DMD: variants seen among roughly 807,000 people sequenced by gnomAD.
DMD encodes dystrophin, also known as mutant dystrophin.
A neutral mutation model predicts 330.1 loss-of-function variants in DMD; 63 were observed. The ratio of observed to expected loss-of-function variants is 0.19; its 90% CI spans 0.16 to 0.24. DMD has a LOEUF of 0.24. Among genes scored for constraint, DMD ranks in the 10% least tolerant of loss-of-function variants. The probability of loss-of-function intolerance (pLI) is 1.00; values close to 1 mark genes in which losing one functional copy is unlikely to be tolerated. For synonymous variants in DMD, 1,223 were observed against 959.8 expected (o/e 1.27, Z -5.07); for missense variants, 3,344 against 2,684.1 (o/e 1.25, Z -5.43).
chrX:31,509,365 T>C (rs990774605), intron 55 of DMD, among the ~76,000 whole-genome samples: 1 of 112,083 alleles, frequency 8.9e-6, no homozygotes, highest in African/African-American at 3.2e-5. Flanking sequence ...GCCAACCAGA[T>C]CTAAGTTCCA....
intron 7 of DMD, among the ~76,000 whole-genome samples, chrX:32,712,403 A>T (rs1246064903): frequency 8.9e-6 from 1 of 111,733 alleles, no homozygotes; most frequent in Non-Finnish European, 1.9e-5. Context: ...TATATATCTA[A>T]TTCTTAAATG....
rs189219300 is a variant in DMD at position 31,915,491 on chromosome X, C to T, written c.6912+14105G>A. Among the ~76,000 whole-genome samples, 172 of 111,396 alleles carry T rather than the reference C, an allele frequency of 1.5e-3. No individual in the cohort carries two copies. In the Middle Eastern group the frequency reaches 0.028, roughly 18 times the overall value. On this transcript the variant is annotated intron_variant, in intron 47 of 78. Coordinates refer to ENST00000357033, the MANE Select transcript of DMD (RefSeq NM_004006.3). ...GAGAAATCTGAAAAGACAATGAGAA[C>T]GGCTGCATTTGTAATTATATAATCC...
chrX:32,596,293 C>A (rs2055518037), intron 12 of DMD, among the ~76,000 whole-genome samples: 1 of 89,953 alleles, frequency 1.1e-5, no homozygotes, highest in Non-Finnish European at 2.2e-5. Context: ...ATGTGTTCCT[C>A]TTCACTGAAA....
intron 1 of DMD, among the ~76,000 whole-genome samples, chrX:33,156,300 A>G (rs2048506405): frequency 8.9e-6 from 1 of 112,278 alleles, no homozygotes; most frequent in African/African-American, 3.2e-5. Flanking sequence ...TATTAAAAGG[A>G]ATTCTTCACT....
intron 47 of DMD, among the ~76,000 whole-genome samples, chrX:31,922,495 G>GGTGTGTGTGTGTGTGTGTGT (rs765621749): frequency 2.1e-5 from 2 of 97,499 alleles, no homozygotes; most frequent in African/African-American, 8.0e-5. Flanking sequence ...ACTTGAGACT[G>GGTGTGTGTGTGTGTGTGTGT]GTGTGTGTGT....
rs192613211 is a variant in DMD, at chrX:31,965,780, A to T, written c.6614+2559T>A. Reference sequence around the variant, plus strand: ...ATTATTATCATGCTTAAGCCTATAGATGTATCCAGTTCTTCTGTTACATAA... The same window carrying T: ...ATTATTATCATGCTTAAGCCTATAGTTGTATCCAGTTCTTCTGTTACATAA... On this transcript the variant is annotated intron_variant, in intron 45 of 78. Coordinates refer to ENST00000357033, the MANE Select transcript of DMD (RefSeq NM_004006.3). Among the ~76,000 whole-genome samples, 230 of 111,802 alleles carry T rather than the reference A, an allele frequency of 2.1e-3. 2 individuals are homozygous for T. The highest frequency in any genetic ancestry group is 7.0e-3 in the African/African-American group (216 of 30,885).
At chrX:32,823,235 TA>T in intron 5 of DMD, 59 bp downstream of exon 5, 1 of 977,943 alleles carries the variant, frequency 1.0e-6, no homozygotes, top group Non-Finnish European at 1.5e-6. Context: ...ACGTCAAGGG[TA>T]AAAATTAAAA....
intron 41 of DMD, among the ~76,000 whole-genome samples, chrX:32,341,805 CAAATT>C (rs1343447404): frequency 9.0e-6 from 1 of 111,372 alleles, no homozygotes; most frequent in Non-Finnish European, 1.9e-5. Context: ...GATAAATTGA[CAAATT>C]AACATTGCCA....
Position 31,645,366 on chromosome X carries a change from T to C in DMD, c.8027+12624A>G, listed in dbSNP as rs146195822. Among the ~76,000 whole-genome samples the C allele has an allele frequency of 5.9e-3, 660 of 112,215 alleles. 1 individual carries two copies. The highest frequency in any genetic ancestry group is 8.2e-3 in the Non-Finnish European group (434 of 53,229). The stretch of plus-strand genomic sequence containing the variant: ...AATCAATCTCTATCCTCTCTCTGTC[T>C]CTAGCTAGCTAGCTAATTAATCAAT... On this transcript the variant is annotated intron_variant, in intron 54 of 78. Coordinates refer to ENST00000357033, the MANE Select transcript of DMD (RefSeq NM_004006.3).
At chrX:32,143,096 G>A (rs1231248301) in intron 44 of DMD, among the ~76,000 whole-genome samples, 1 of 109,754 alleles carries the variant, frequency 9.1e-6, no homozygotes, top group Non-Finnish European at 1.9e-5. Context: ...ATGAAATCAA[G>A]GGTTATGTTC....
Position 31,968,552 on chromosome X carries a change from C to T in DMD, c.6439-38G>A, listed in dbSNP as rs67729860. Reference sequence around the variant, plus strand: ...AAAAAGGCAAAACAAAAATGAAGCCCCATGTCTTTTTATTTGAGAAAAGAT... The same window carrying T: ...AAAAAGGCAAAACAAAAATGAAGCCTCATGTCTTTTTATTTGAGAAAAGAT... On this transcript the variant is annotated intron_variant, in intron 44 of 78. Transcript: ENST00000357033. The T allele has an allele frequency of 6.3e-4, 741 of 1,179,979 alleles. 3 individuals are homozygous for T. In the African/African-American group the frequency reaches 0.01, roughly 17 times the overall value.
intron 1 of DMD, among the ~76,000 whole-genome samples, chrX:33,158,144 A>G (rs941650370): frequency 2.7e-5 from 3 of 112,060 alleles, no homozygotes; most frequent in Admixed American, 1.9e-4. Context: ...TATTGCCTAT[A>G]TATTTCTGTG....
intron 1 of DMD, among the ~76,000 whole-genome samples, chrX:33,205,853 G>A (rs1376344288): frequency 6.3e-5 from 7 of 111,603 alleles, no homozygotes; most frequent in East Asian, 2.8e-4. Context: ...AAGAGACTTC[G>A]TGATATATAT....
chrX:32,643,817 G>T (rs2059621917), intron 11 of DMD, among the ~76,000 whole-genome samples: 1 of 111,658 alleles, frequency 9.0e-6, no homozygotes. Context: ...TCCTGTGCAT[G>T]CTTCTGTGCC....
chrX:31,238,332 C>T (rs1388339520), intron 63 of DMD, among the ~76,000 whole-genome samples: 1 of 111,840 alleles, frequency 8.9e-6, no homozygotes, highest in Non-Finnish European at 1.9e-5. Flanking sequence ...GGATCTGACC[C>T]AGCTTTTATT....
At chrX:32,294,748 C>A (rs1266258988) in intron 42 of DMD, among the ~76,000 whole-genome samples, 1 of 111,013 alleles carries the variant, frequency 9.0e-6, no homozygotes, top group Non-Finnish European at 1.9e-5. Flanking sequence ...TTTTTAAAGT[C>A]CCTGCACATA....
chrX:33,320,063 T>C (rs147845412), intron 1 of DMD, among the ~76,000 whole-genome samples: 47 of 111,585 alleles, frequency 4.2e-4, no homozygotes, highest in African/African-American at 1.4e-3. Flanking sequence ...TTAGCAACTC[T>C]CACAATATTG....
At chrX:32,931,703 A>G (rs1486099079) in intron 2 of DMD, among the ~76,000 whole-genome samples, 3 of 111,955 alleles carry the variant, frequency 2.7e-5, no homozygotes. Flanking sequence ...ATTATCAAAC[A>G]CTAAAGAATG....
At chrX:31,461,665 G>T (rs1219145242) in intron 59 of DMD, among the ~76,000 whole-genome samples, 1 of 111,109 alleles carries the variant, frequency 9.0e-6, no homozygotes, top group Non-Finnish European at 1.9e-5. Flanking sequence ...GCTATTCATG[G>T]TAGGGTGGAG....
Sources: gnomAD v4.1 joint callset for allele counts (sites outside exome capture counted in the v4.1 genomes callset) on GRCh38, gnomAD v4.1.1 for gene constraint, MANE v1.5 for transcripts, NCBI Gene and HGNC (gene_info 2026-07-23, HGNC 2026-07-21) for gene names.